CASP9: variants seen among roughly 807,000 people sequenced by gnomAD.
CASP9 encodes caspase 9.
A neutral mutation model predicts 43.5 loss-of-function variants in CASP9; 29 were observed. The ratio of observed to expected loss-of-function variants is 0.67; its 90% CI spans 0.50 to 0.91. The LOEUF (loss-of-function observed/expected upper bound fraction) is 0.91. Ranked by LOEUF, CASP9 falls within the 40% of genes least tolerant of loss-of-function variation. The probability of loss-of-function intolerance (pLI) is 0.00; values close to 1 mark genes in which losing one functional copy is unlikely to be tolerated. For missense variants in CASP9, 575 were observed against 537.4 expected, an observed-to-expected ratio of 1.07 and a Z score of -0.69; for synonymous variants, 206 against 211.9, an observed-to-expected ratio of 0.97 and a Z score of 0.24.
intron 1 of CASP9, among the ~76,000 whole-genome samples, chr1:15,522,368 C>T (rs1285780185): frequency 6.6e-6 from 1 of 152,236 alleles, no homozygotes; most frequent in East Asian, 1.9e-4. Flanking sequence ...TTGTTGCTAA[C>T]ATTTTAAGCC....
At chr1:15,504,532 G>A (rs1381043725) in intron 6 of CASP9, 79 bp downstream of exon 6, 5 of 1,459,740 alleles carry the variant, frequency 3.4e-6, no homozygotes, top group Admixed American at 4.4e-5. Flanking sequence ...GGCCCTGTGA[G>A]GGGCAGGCTG....
At chr1:15,515,315 C>A (rs894853459) in intron 2 of CASP9, among the ~76,000 whole-genome samples, 6 of 152,194 alleles carry the variant, frequency 3.9e-5, no homozygotes. Flanking sequence ...AGCTTCCTAC[C>A]CTTATCATGT....
At chr1:15,511,798 G>A (rs1709765420) in intron 2 of CASP9, among the ~76,000 whole-genome samples, 1 of 152,218 alleles carries the variant, frequency 6.6e-6, no homozygotes, top group Non-Finnish European at 1.5e-5. Flanking sequence ...GGGTCACAGG[G>A]TGGTCAAAGC....
intron 6 of CASP9, among the ~76,000 whole-genome samples, chr1:15,499,473 A>G (rs1334000115): frequency 6.6e-6 from 1 of 152,216 alleles, no homozygotes; most frequent in Non-Finnish European, 1.5e-5. Context: ...GAATCAAAGA[A>G]GCCATCAGAA....
At chr1:15,516,349 A>G (rs1446057246) in intron 2 of CASP9, among the ~76,000 whole-genome samples, 1 of 151,518 alleles carries the variant, frequency 6.6e-6, no homozygotes, top group Admixed American at 6.6e-5. Flanking sequence ...AAAATTAGCC[A>G]GGCCTGGTGG....
In CASP9 at chr1:15,495,342, C is replaced by T. The variant is rs200705927; in HGVS notation, c.979G>A (p.Asp327Asn). The T allele has an allele frequency of 3.5e-5, 57 of 1,609,780 alleles. No individual in the cohort carries two copies. The highest frequency in any genetic ancestry group is 4.0e-5 in the Non-Finnish European group (47 of 1,178,682). Reference protein sequence around the residue: ...TPFQEGLRTFDQLDAISSLPT... With the variant: ...TPFQEGLRTFNQLDAISSLPT... ...AAACTAGATATGGCGTCCAGCTGGT[C>T]GAAGGTCCTCAAACCTTCCTGGAAC... Residue 327 changes from aspartate to asparagine, a missense_variant, in exon 7 of 9, where the codon GAC (aspartate) becomes AAC (asparagine). Coordinates refer to ENST00000333868, the MANE Select transcript of CASP9 (RefSeq NM_001229.5).
chr1:15,524,351 T>C (rs1326241770), upstream of CASP9: 6 of 1,378,948 alleles, frequency 4.4e-6, no homozygotes, highest in South Asian at 1.6e-5. Context: ...TCCGGACGCA[T>C]CTCCAAGGCC....
chr1:15,493,011 C>T lies in CASP9; in HGVS notation c.1183G>A (p.Gly395Arg). Reference protein sequence around the residue: ...LRVANAVSVKGIYKQMPGCFN... With the variant: ...LRVANAVSVKRIYKQMPGCFN... Reference sequence around the variant, plus strand: ...CAACCAGGCATCTGTTTATAAATCCCTTTCACCGAAACAGCATTAGCGACC... The same window carrying T: ...CAACCAGGCATCTGTTTATAAATCCTTTTCACCGAAACAGCATTAGCGACC... The change falls in exon 9 of 9, where the codon GGG becomes AGG. Residue 395 changes from glycine to arginine, a missense_variant. Coordinates refer to ENST00000333868, the MANE Select transcript of CASP9 (RefSeq NM_001229.5). 6.2e-7 allele frequency: 1 copy of T among 1,614,062 alleles called. No homozygotes were observed. Among genetic ancestry groups the T allele is most frequent in the Non-Finnish European group, 8.5e-7 (1 of 1,180,032 alleles).
At chr1:15,512,807 T>C (rs1327238337) in intron 2 of CASP9, among the ~76,000 whole-genome samples, 1 of 152,142 alleles carries the variant, frequency 6.6e-6, no homozygotes, top group East Asian at 1.9e-4. Flanking sequence ...CTGCTAAGTG[T>C]TGGAGTTGGG....
chr1:15,497,902 C>A (rs563636530), intron 6 of CASP9, among the ~76,000 whole-genome samples: 1 of 152,228 alleles, frequency 6.6e-6, no homozygotes, highest in Non-Finnish European at 1.5e-5. Flanking sequence ...AAACTTACTA[C>A]AAAGCTACAG....
intron 2 of CASP9, among the ~76,000 whole-genome samples, chr1:15,511,570 A>G (rs189064170): frequency 6.6e-6 from 1 of 152,068 alleles, no homozygotes; most frequent in African/African-American, 2.4e-5. Context: ...CGCCCAGCTA[A>G]TTTTTGCATT....
intron 7 of CASP9, 89 bp from the exon 8 acceptor site, chr1:15,494,090 C>T (rs537005502): frequency 1.5e-5 from 23 of 1,501,714 alleles, no homozygotes; most frequent in Middle Eastern, 2.1e-4. Flanking sequence ...CTGGCTCGGG[C>T]GCCCTCCAGA....
rs1471897263 is a variant in CASP9, at chr1:15,505,944, G to A, written c.720+46C>T. 4.1e-6 allele frequency: 6 copies of A among 1,455,800 alleles called. No individual in the cohort carries two copies. The African/African-American group carries it at 5.6e-5, about 14-fold the overall frequency. 90.2% of individuals were successfully genotyped at this position (1,455,800 alleles called of 1,614,324 possible). On this transcript the variant is annotated intron_variant, in intron 5 of 8. Transcript: ENST00000333868. ...TGGCCCCTGCACAGCCTCTTGGCACGGCCAGTACCCAATGCCTGCCCAGGG... is the reference window on the plus strand; with the variant it reads ...TGGCCCCTGCACAGCCTCTTGGCACAGCCAGTACCCAATGCCTGCCCAGGG...
rs992866020 is a variant in CASP9 at position 15,507,023 on chromosome 1, A to C, written c.506T>G (p.Val169Gly). The change falls in exon 4 of 9, where the codon GTG (valine) becomes GGG (glycine). Residue 169 changes from valine to glycine, a missense_variant. Transcript: ENST00000333868. Reference sequence around the variant, plus strand: ...GAGCCCGGACTCACGGCAGAAGTTCACATTGTTGATAATGAGGCAGTGGCC... The same window carrying C: ...GAGCCCGGACTCACGGCAGAAGTTCCCATTGTTGATAATGAGGCAGTGGCC... ...PCGHCLIINN[V>G]NFCRESGLRT... The C allele has an allele frequency of 1.2e-6, 2 of 1,614,106 alleles. No individual in the cohort carries two copies. The highest frequency in any genetic ancestry group is 2.7e-5 in the African/African-American group (2 of 74,956).
At chr1:15,501,516 T>G (rs1325681307) in intron 6 of CASP9, among the ~76,000 whole-genome samples, 1 of 152,204 alleles carries the variant, frequency 6.6e-6, no homozygotes. Flanking sequence ...CTGATGCATG[T>G]AAACAGACCC....
intron 2 of CASP9, among the ~76,000 whole-genome samples, chr1:15,516,457 G>A (rs1023461552): frequency 7.3e-5 from 11 of 150,124 alleles, no homozygotes; most frequent in African/African-American, 1.2e-4. Flanking sequence ...CTCCAGCCTG[G>A]GCCACAGAAG....
intron 2 of CASP9, among the ~76,000 whole-genome samples, chr1:15,510,019 C>A (rs766146864): frequency 2.0e-5 from 3 of 152,134 alleles, no homozygotes; most frequent in Non-Finnish European, 4.4e-5. Flanking sequence ...CAACTTCTGC[C>A]TCCTGGGTTC....
intron 2 of CASP9, among the ~76,000 whole-genome samples, chr1:15,508,403 TTTTTTTC>T (rs879897159): frequency 3.3e-5 from 5 of 152,118 alleles, no homozygotes; most frequent in African/African-American, 1.2e-4. Flanking sequence ...TTTCTTTTCT[TTTTTTTC>T]TTTTTTCTTT....
At chr1:15,510,803 G>A (rs1709724687) in intron 2 of CASP9, among the ~76,000 whole-genome samples, 1 of 152,114 alleles carries the variant, frequency 6.6e-6, no homozygotes, top group African/African-American at 2.4e-5. Context: ...CACTCCCATG[G>A]GGACAATAAA....
Sources: allele counts gnomAD v4.1 joint callset (sites outside exome capture counted in the v4.1 genomes callset), GRCh38; gene constraint gnomAD v4.1.1; transcripts MANE v1.5; gene names NCBI Gene and HGNC (gene_info 2026-07-23, HGNC 2026-07-21).